The following UNC5C variants were observed in gnomAD, a reference collection of about 807,000 sequenced individuals.
UNC5C encodes netrin receptor UNC5C.
In UNC5C, 47 loss-of-function variants were observed where a neutral mutation model predicts 99.8. The observed-to-expected ratio is 0.47, with a 90% CI of 0.37 to 0.60. The LOEUF (loss-of-function observed/expected upper bound fraction) is 0.60. Among genes scored for constraint, UNC5C ranks in the 20% least tolerant of loss-of-function variants. The pLI, the probability that UNC5C is intolerant of heterozygous loss-of-function variation, is 0.00. For missense variants in UNC5C, 1,062 were observed against 1,165.9 expected, an observed-to-expected ratio of 0.91 and a Z score of 1.30; for synonymous variants, 487 against 452.2, an observed-to-expected ratio of 1.08 and a Z score of -0.98.
At chr4:95,506,037 A>G (rs1472362645) in intron 1 of UNC5C, among the ~76,000 whole-genome samples, 1 of 152,030 alleles carries the variant, frequency 6.6e-6, no homozygotes, top group Admixed American at 6.6e-5. Flanking sequence ...GGAAAAAAGA[A>G]AAGGATGAGA....
rs558990175 is a variant in UNC5C at position 95,524,080 on chromosome 4, A to G, written c.124+24654T>C. ...GATGATTCAATACACGTTTAAAAAC[A>G]TGTTGGAAAAGTTGAATTGAAATGG... On this transcript the variant is annotated intron_variant, in intron 1 of 15. Coordinates refer to ENST00000453304, the MANE Select transcript of UNC5C (RefSeq NM_003728.4). Among the ~76,000 whole-genome samples the G allele has an allele frequency of 1.3e-3, 201 of 152,326 alleles. 1 individual carries two copies. The highest frequency in any genetic ancestry group is 4.4e-3 in the African/African-American group (181 of 41,576).
intron 13 of UNC5C, among the ~76,000 whole-genome samples, chr4:95,183,580 GA>G (rs1244845551): frequency 6.6e-6 from 1 of 152,116 alleles, no homozygotes; most frequent in African/African-American, 2.4e-5. Context: ...ACTACAGTTG[GA>G]AACTTCAGAC....
At chr4:95,257,826 C>A (rs1740064520) in intron 4 of UNC5C, among the ~76,000 whole-genome samples, 1 of 152,120 alleles carries the variant, frequency 6.6e-6, no homozygotes, top group Admixed American at 6.5e-5. Flanking sequence ...AAGAACTGAA[C>A]ATGGATATTG....
At chr4:95,256,620 G>T (rs188768006) in intron 4 of UNC5C, among the ~76,000 whole-genome samples, 81 of 150,666 alleles carry the variant, frequency 5.4e-4, no homozygotes, top group Middle Eastern at 6.8e-3. Flanking sequence ...CAAGACTGTA[G>T]TTAGAGTGAT....
chr4:95,480,967 C>T (rs1052818182), intron 1 of UNC5C, among the ~76,000 whole-genome samples: 3 of 150,852 alleles, frequency 2.0e-5, no homozygotes, highest in African/African-American at 7.4e-5. Context: ...GATGCCCTCT[C>T]TCACCACTCC....
intron 2 of UNC5C, among the ~76,000 whole-genome samples, chr4:95,310,629 T>C (rs1316945852): frequency 1.3e-5 from 2 of 152,164 alleles, no homozygotes; most frequent in Non-Finnish European, 2.9e-5. Context: ...AACTGAGTGG[T>C]TCAAGGGATT....
chr4:95,246,695 T>TA (rs1425759773), intron 5 of UNC5C, among the ~76,000 whole-genome samples: 2 of 151,828 alleles, frequency 1.3e-5, no homozygotes. Context: ...TTATACATTT[T>TA]AAATTATAAA....
At chr4:95,372,509 G>T (rs1744776886) in intron 1 of UNC5C, among the ~76,000 whole-genome samples, 1 of 152,096 alleles carries the variant, frequency 6.6e-6, no homozygotes, top group Non-Finnish European at 1.5e-5. Flanking sequence ...AGGTATTATT[G>T]ATTTCAAAGA....
In UNC5C at chr4:95,166,143, G is replaced by GT. The variant is rs759754568; in HGVS notation, c.*3090dup. ...TAGATGGCAGCATGCACAAATGATA[G>GT]TTTTTTCTATCCAAATGAAACCAGC... is the stretch of plus-strand genomic sequence containing the variant. On this transcript the variant is annotated 3_prime_UTR_variant, in exon 16 of 16. Transcript: ENST00000453304. The GT allele has an allele frequency of 5.3e-5, 8 of 152,290 alleles. No homozygotes were observed. The highest frequency in any genetic ancestry group is 2.1e-4 in the South Asian group (1 of 4,826). 9.4% of individuals were successfully genotyped at this position (152,290 alleles called of 1,614,324 possible). A position where few individuals can be genotyped will look rare whatever the true frequency, so the allele number is the denominator to read the frequency against.
intron 1 of UNC5C, among the ~76,000 whole-genome samples, chr4:95,482,731 T>C (rs1327027866): frequency 2.5e-5 from 3 of 121,014 alleles, no homozygotes; most frequent in East Asian, 2.1e-4. Flanking sequence ...AAATTGGAAA[T>C]CATCATTCTC....
At chr4:95,395,334 CTA>C (rs1745479982) in intron 1 of UNC5C, among the ~76,000 whole-genome samples, 1 of 148,288 alleles carries the variant, frequency 6.7e-6, no homozygotes, top group Admixed American at 6.7e-5. Context: ...CTCAATAAAG[CTA>C]TTTTCCTTTT....
intron 1 of UNC5C, among the ~76,000 whole-genome samples, chr4:95,392,370 A>G (rs1056293213): frequency 6.6e-6 from 1 of 151,988 alleles, no homozygotes; most frequent in Non-Finnish European, 1.5e-5. Flanking sequence ...AATGGCACAA[A>G]TTTTGGGCAT....
chr4:95,183,383 TAAA>T (rs57162384), intron 13 of UNC5C, among the ~76,000 whole-genome samples: 1 of 149,500 alleles, frequency 6.7e-6, no homozygotes. Context: ...TGTAAATGAT[TAAA>T]AAAAAAAAAG....
At chr4:95,376,085 T>C (rs754561934) in intron 1 of UNC5C, among the ~76,000 whole-genome samples, 14 of 151,888 alleles carry the variant, frequency 9.2e-5, no homozygotes, top group Non-Finnish European at 1.3e-4. Context: ...CAAAAATATA[T>C]ATATATACAG....
chr4:95,486,342 T>A (rs1235829266), intron 1 of UNC5C, among the ~76,000 whole-genome samples: 5 of 151,736 alleles, frequency 3.3e-5, no homozygotes, highest in Admixed American at 3.3e-4. Flanking sequence ...TCCTAATGTA[T>A]AAATATAGGC....
intron 1 of UNC5C, among the ~76,000 whole-genome samples, chr4:95,448,707 T>C (rs1560837103): frequency 6.6e-6 from 1 of 152,190 alleles, no homozygotes. Context: ...GCCTGCAGAA[T>C]TTTGACATGA....
At chr4:95,480,880 T>C (rs1722825938) in intron 1 of UNC5C, among the ~76,000 whole-genome samples, 5 of 151,876 alleles carry the variant, frequency 3.3e-5, no homozygotes, top group Admixed American at 2.6e-4. Flanking sequence ...GAGCTATCTA[T>C]GACAAACCCA....
At chr4:95,482,348 G>A (rs958015330) in intron 1 of UNC5C, among the ~76,000 whole-genome samples, 8 of 152,066 alleles carry the variant, frequency 5.3e-5, no homozygotes, top group African/African-American at 1.9e-4. Flanking sequence ...TCATTAAAAA[G>A]TCAGGAAACA....
intron 3 of UNC5C, among the ~76,000 whole-genome samples, chr4:95,280,396 T>C (rs1412172447): frequency 1.3e-5 from 2 of 152,092 alleles, no homozygotes; most frequent in African/African-American, 4.8e-5. Context: ...ATTGTAGAAA[T>C]GAACATTTGG....
Sources: gnomAD v4.1 joint callset for allele counts (sites outside exome capture counted in the v4.1 genomes callset) on GRCh38, gnomAD v4.1.1 for gene constraint, MANE v1.5 for transcripts, NCBI Gene and HGNC (gene_info 2026-07-23, HGNC 2026-07-21) for gene names.